FOXP2: variants seen among roughly 807,000 people sequenced by gnomAD.
FOXP2 encodes the protein forkhead box P2, also known as forkhead box protein P2.
A neutral mutation model predicts 115.8 loss-of-function variants in FOXP2; 12 were observed. The observed-to-expected ratio is 0.10, with a 90% CI of 0.07 to 0.17. FOXP2 has a LOEUF of 0.17. FOXP2 is among the 10% of genes least tolerant of loss of function. FOXP2 has a pLI of 1.00. For synonymous variants in FOXP2, 328 were observed against 297.7 expected (o/e 1.10, Z -1.05); for missense variants, 629 against 843.5 (o/e 0.75, Z 3.15).
At chr7:114,262,596 C>T (rs949730880) in intron 1 of FOXP2, among the ~76,000 whole-genome samples, 1 of 152,124 alleles carries the variant, frequency 6.6e-6, no homozygotes, top group African/African-American at 2.4e-5. Flanking sequence ...ATTAGCCACA[C>T]AGGGTTGCTG....
intron 2 of FOXP2, among the ~76,000 whole-genome samples, chr7:114,326,699 T>G (rs1424489454): frequency 6.6e-6 from 1 of 152,166 alleles, no homozygotes; most frequent in African/African-American, 2.4e-5. Context: ...AGACTATGCA[T>G]TTTTCTCTGA....
At chr7:114,493,644 A>G (rs1026309046) in intron 2 of FOXP2, among the ~76,000 whole-genome samples, 1 of 151,958 alleles carries the variant, frequency 6.6e-6, no homozygotes, top group East Asian at 1.9e-4. Context: ...TCTCACACGC[A>G]CCCACACACA....
chr7:114,523,793 C>T (rs564284964), intron 2 of FOXP2, among the ~76,000 whole-genome samples: 51 of 152,230 alleles, frequency 3.4e-4, no homozygotes, highest in African/African-American at 1.1e-3. Context: ...CTCACAGAAA[C>T]GCAGCCTAAG....
chr7:114,236,227 T>C lies in FOXP2; in HGVS notation c.-101-51792T>C, dbSNP rs536164173. Among the ~76,000 whole-genome samples the C allele has an allele frequency of 2.6e-5, 4 of 152,356 alleles. No individual in the cohort carries two copies. The South Asian group carries it at 8.3e-4, about 32-fold the overall frequency. ...TATGTCTTTGATGTTAAATAAATGATAGATTAGACTTGCACAATGTTTGTC... is the reference window on the plus strand; with the variant it reads ...TATGTCTTTGATGTTAAATAAATGACAGATTAGACTTGCACAATGTTTGTC... On this transcript the variant is annotated intron_variant, in intron 1 of 17. Coordinates refer to the FOXP2 transcript ENST00000634411.
chr7:114,218,807 T>C (rs977047140), intron 1 of FOXP2, among the ~76,000 whole-genome samples: 3 of 152,192 alleles, frequency 2.0e-5, no homozygotes, highest in African/African-American at 4.8e-5. Flanking sequence ...TTAAGGATAG[T>C]TAGTATTATT....
intron 2 of FOXP2, among the ~76,000 whole-genome samples, chr7:114,351,106 G>A (rs1044244293): frequency 5.9e-5 from 9 of 152,004 alleles, no homozygotes; most frequent in African/African-American, 2.4e-5. Context: ...TTCTGTCCAC[G>A]GTTTGTTGAA....
At chr7:114,125,039 C>G (rs1791670057) in intron 1 of FOXP2, among the ~76,000 whole-genome samples, 1 of 152,108 alleles carries the variant, frequency 6.6e-6, no homozygotes, top group South Asian at 2.1e-4. Flanking sequence ...GGTCTAATCC[C>G]TAATTCTGTG....
At chr7:114,332,160 G>A (rs1220247449) in intron 2 of FOXP2, among the ~76,000 whole-genome samples, 3 of 152,202 alleles carry the variant, frequency 2.0e-5, no homozygotes, top group African/African-American at 7.2e-5. Flanking sequence ...AGGGGGTAAT[G>A]TTTCTAGACT....
chr7:114,423,222 C>T (rs967054528), intron 1 of FOXP2, among the ~76,000 whole-genome samples: 3 of 151,640 alleles, frequency 2.0e-5, no homozygotes, highest in African/African-American at 7.3e-5. Context: ...CACAATTCTG[C>T]AAGTAAATAT....
At chr7:114,416,173 AGGGCTACAGTAATT>A (rs1793333320) in intron 1 of FOXP2, 1 of 152,032 alleles carries the variant, frequency 6.6e-6, no homozygotes, top group Non-Finnish European at 1.5e-5. Context: ...GGCCCATCAT[AGGGCTACAGTAATT>A]GCCTGATGAC....
chr7:114,538,177 T>G (rs564612517), intron 3 of FOXP2: 3 of 420,050 alleles, frequency 7.1e-6, no homozygotes, highest in Non-Finnish European at 1.4e-5. Flanking sequence ...AATGCCAACA[T>G]GCACATACAC....
At chr7:114,494,819 A>T (rs995163653) in intron 2 of FOXP2, among the ~76,000 whole-genome samples, 3 of 152,198 alleles carry the variant, frequency 2.0e-5, no homozygotes, top group Non-Finnish European at 4.4e-5. Flanking sequence ...ACATGTTGCT[A>T]TATTTCTATA....
chr7:114,474,358 T>C (rs1157393922), intron 2 of FOXP2, among the ~76,000 whole-genome samples: 1 of 152,168 alleles, frequency 6.6e-6, no homozygotes, highest in Non-Finnish European at 1.5e-5. Flanking sequence ...CTTATACAAA[T>C]GTTCACTGAA....
At chr7:114,360,089 T>C (rs1791709638) in intron 2 of FOXP2, among the ~76,000 whole-genome samples, 10 of 152,122 alleles carry the variant, frequency 6.6e-5, no homozygotes, top group Admixed American at 6.5e-4. Flanking sequence ...GGTAATTGAA[T>C]TACAGGGATG....
At chr7:114,330,408 G>A (rs1222282974) in intron 2 of FOXP2, among the ~76,000 whole-genome samples, 3 of 151,254 alleles carry the variant, frequency 2.0e-5, no homozygotes, top group African/African-American at 7.3e-5. Flanking sequence ...TGAAGCAGGA[G>A]GATCCCTTGA....
chr7:114,576,512 G>A (rs1801585022), intron 3 of FOXP2, among the ~76,000 whole-genome samples: 1 of 151,882 alleles, frequency 6.6e-6, no homozygotes, highest in Admixed American at 6.6e-5. Context: ...TCCCCTTGAT[G>A]ATTCACCAAA....
intron 2 of FOXP2, among the ~76,000 whole-genome samples, chr7:114,471,938 C>G (rs1451298233): frequency 6.8e-6 from 1 of 147,756 alleles, no homozygotes; most frequent in Non-Finnish European, 1.5e-5. Flanking sequence ...CCAGCCCGGG[C>G]AACTGAGTGA....
chr7:114,546,823 T>C (rs1799947975), intron 3 of FOXP2, among the ~76,000 whole-genome samples: 1 of 152,260 alleles, frequency 6.6e-6, no homozygotes, highest in Non-Finnish European at 1.5e-5. Flanking sequence ...AGACTCTAAA[T>C]CTTTTCATGT....
At position 114,692,096 on chromosome 7, in the gene FOXP2, T is replaced by C; in HGVS notation, c.*2170T>C. On this transcript the variant is annotated 3_prime_UTR_variant, in exon 17 of 17. Transcript: ENST00000350908. ...TATGGTATTAAAAGAAAGATGGGTA[T>C]GGTGAAAGATGGTTTTCAGTCATCT... 4.4e-6 allele frequency: 2 copies of C among 453,894 alleles called. No homozygotes were observed. Among genetic ancestry groups the C allele is most frequent in the South Asian group, 3.1e-5 (2 of 64,458 alleles). 28.1% of individuals were successfully genotyped at this position (453,894 alleles called of 1,614,324 possible).
Sources: allele counts gnomAD v4.1 joint callset (sites outside exome capture counted in the v4.1 genomes callset), GRCh38; gene constraint gnomAD v4.1.1; transcripts MANE v1.5; gene names NCBI Gene and HGNC (gene_info 2026-07-23, HGNC 2026-07-21).